Variants in ERICH6B observed in about 807,000 individuals in gnomAD.
The protein encoded by ERICH6B is glutamate-rich protein 6B.
A neutral mutation model predicts 80.0 loss-of-function variants in ERICH6B; 69 were observed. That is an observed-to-expected ratio of 0.86 (90% CI 0.71 to 1.05). The LOEUF is 1.05. Among genes scored for constraint, ERICH6B ranks in the 50% least tolerant of loss-of-function variants. ERICH6B has a pLI of 0.00. For missense variants in ERICH6B, 754 were observed against 796.1 expected (o/e 0.95, Z 0.64); for synonymous variants, 283 against 291.9 (o/e 0.97, Z 0.31).
In ERICH6B at chr13:45,560,413, C is replaced by T. The variant is rs550786279; in HGVS notation, c.1407+956G>A. Reference sequence around the variant, plus strand: ...AGCCTCCCCAACCATCAACACCCCCCCACCTGAGAGTGGTACATTTGTTAT... The same window carrying T: ...AGCCTCCCCAACCATCAACACCCCCTCACCTGAGAGTGGTACATTTGTTAT... On this transcript the variant is annotated intron_variant, in intron 11 of 14. Coordinates refer to ENST00000298738, the MANE Select transcript of ERICH6B (RefSeq NM_182542.3). Among the ~76,000 whole-genome samples the T allele has an allele frequency of 1.4e-4, 21 of 152,288 alleles. 1 individual carries two copies. The South Asian group carries it at 4.4e-3, about 32-fold the overall frequency.
chr13:45,584,295 C>T (rs1056884398), intron 5 of ERICH6B, among the ~76,000 whole-genome samples: 2 of 152,166 alleles, frequency 1.3e-5, no homozygotes, highest in South Asian at 2.1e-4. Context: ...ATATGGATCA[C>T]AAGGCATTTC....
intron 14 of ERICH6B, among the ~76,000 whole-genome samples, chr13:45,544,110 C>T (rs183672294): frequency 1.3e-5 from 2 of 152,276 alleles, no homozygotes; most frequent in South Asian, 2.1e-4. Context: ...CTGGCTCTGT[C>T]GCCCAGGCTG....
rs981481536 is a variant in ERICH6B at position 45,587,249 on chromosome 13, C to T, written c.687-17G>A. ...TCTGGACTCCTGTCAGAGGGGAGAA[C>T]AGGAAGGTCAACTTCCAGACAGGGG... On this transcript the variant is annotated splice_polypyrimidine_tract_variant and intron_variant, in intron 4 of 14. Transcript: ENST00000298738. 3 of 1,550,788 alleles carry T rather than the reference C, an allele frequency of 1.9e-6. No individual in the cohort carries two copies. Among genetic ancestry groups the T allele is most frequent in the Non-Finnish European group, 2.6e-6 (3 of 1,146,578 alleles).
At chr13:45,575,696 G>T (rs1184746302) in intron 7 of ERICH6B, among the ~76,000 whole-genome samples, 1 of 152,188 alleles carries the variant, frequency 6.6e-6, no homozygotes, top group Non-Finnish European at 1.5e-5. Context: ...GTTGGATGGA[G>T]AATGTCTCCC....
intron 8 of ERICH6B, among the ~76,000 whole-genome samples, chr13:45,572,360 T>C (rs1875208032): frequency 6.6e-6 from 1 of 152,182 alleles, no homozygotes; most frequent in Non-Finnish European, 1.5e-5. Flanking sequence ...CAATTCATCA[T>C]CCACAAAGCC....
Position 45,587,050 on chromosome 13 carries a change from C to T in ERICH6B, c.856+13G>A. On this transcript the variant is annotated intron_variant, in intron 5 of 14. Coordinates refer to ENST00000298738, the MANE Select transcript of ERICH6B (RefSeq NM_182542.3). ...CCGGCTGCGCCTCACCGACAGAGCG[C>T]AGCTTCCCTCACCGGCAGTTCTGTC... 6.5e-7 allele frequency: 1 copy of T among 1,550,300 alleles called. No individual in the cohort carries two copies. Among genetic ancestry groups the T allele is most frequent in the Non-Finnish European group, 8.7e-7 (1 of 1,146,164 alleles).
chr13:45,582,658 C>T (rs1391762245), intron 5 of ERICH6B, among the ~76,000 whole-genome samples: 3 of 152,202 alleles, frequency 2.0e-5, no homozygotes, highest in Admixed American at 2.0e-4. Flanking sequence ...CGGCTCTCTG[C>T]TGGAAACTGG....
intron 1 of ERICH6B, among the ~76,000 whole-genome samples, chr13:45,609,622 G>A (rs545217923): frequency 2.0e-5 from 3 of 152,270 alleles, no homozygotes; most frequent in African/African-American, 7.2e-5. Flanking sequence ...ATAGGAGCTC[G>A]ACAAATAATT....
chr13:45,549,836 T>A, intron 13 of ERICH6B, 57 bp downstream of exon 13: 2 of 1,513,544 alleles, frequency 1.3e-6, no homozygotes, highest in Non-Finnish European at 8.9e-7. Context: ...GGAGTCACGC[T>A]TTTTCCAGCT....
chr13:45,541,463 TA>T lies in ERICH6B; in HGVS notation c.2089del (p.Ter697LysfsTer33). ...LKKMLSKLWF* is the reference protein window; with the variant it reads ...LKKMLSKLWFX ...GGTGGATGCCAGATAAGCCCCGCCT[TA>T]AAACCAGAGTTTAGAGAGCATCTTC... On this transcript the variant is annotated frameshift_variant and stop_lost, in exon 15 of 15. Transcript: ENST00000298738. LOFTEE classifies it high-confidence loss of function. The T allele has an allele frequency of 6.4e-7, 1 of 1,551,740 alleles. No homozygotes were observed. Among genetic ancestry groups the T allele is most frequent in the Non-Finnish European group, 8.7e-7 (1 of 1,146,816 alleles).
At position 45,596,645 on chromosome 13, in the gene ERICH6B, A is replaced by G; in HGVS notation, c.361T>C (p.Tyr121His). The G allele has an allele frequency of 6.5e-7, 1 of 1,548,160 alleles. No homozygotes were observed. The highest frequency in any genetic ancestry group is 8.7e-7 in the Non-Finnish European group (1 of 1,145,222). The change falls in exon 3 of 15, where the codon TAT becomes CAT. Residue 121 changes from tyrosine (Y) to histidine (H), a missense_variant. Tyr to His is a moderately conservative substitution (Grantham distance 83, BLOSUM62 2). Coordinates refer to ENST00000298738, the MANE Select transcript of ERICH6B (RefSeq NM_182542.3). ...EEEEYLGKEG[Y>H]LEEEEYLGKE... Reference sequence around the variant, plus strand: ...CCCAGGTACTCTTCCTCCTCCAGATACCCTTCCTTCCCCAGATACTCTTCC... The same window carrying G: ...CCCAGGTACTCTTCCTCCTCCAGATGCCCTTCCTTCCCCAGATACTCTTCC...
At chr13:45,563,894 G>A (rs763838433) in intron 9 of ERICH6B, 106 bp from the exon 10 acceptor site, 4 of 927,102 alleles carry the variant, frequency 4.3e-6, no homozygotes, top group Non-Finnish European at 6.6e-6. Context: ...TCTTTCGCAG[G>A]TGGAAATGGG....
At chr13:45,600,964 T>C (rs1428820671) in intron 2 of ERICH6B, among the ~76,000 whole-genome samples, 1 of 152,238 alleles carries the variant, frequency 6.6e-6, no homozygotes, top group African/African-American at 2.4e-5. Flanking sequence ...CCTCCATATA[T>C]GACCATCCTT....
intron 13 of ERICH6B, among the ~76,000 whole-genome samples, chr13:45,546,511 A>G (rs1182917849): frequency 6.6e-6 from 1 of 152,072 alleles, no homozygotes. Flanking sequence ...AACCCTTGAT[A>G]TTGTTGCATA....
At chr13:45,612,157 A>G (rs1949903527) in intron 1 of ERICH6B, among the ~76,000 whole-genome samples, 1 of 152,158 alleles carries the variant, frequency 6.6e-6, no homozygotes. Flanking sequence ...CATTTAGTGT[A>G]TTCACCAGAC....
At chr13:45,547,386 G>A (rs1210319130) in intron 13 of ERICH6B, among the ~76,000 whole-genome samples, 1 of 152,126 alleles carries the variant, frequency 6.6e-6, no homozygotes, top group African/African-American at 2.4e-5. Context: ...CAATTTTAAG[G>A]TGGTCTGGAG....
At chr13:45,573,371 G>A (rs983383339) in intron 8 of ERICH6B, among the ~76,000 whole-genome samples, 1 of 152,188 alleles carries the variant, frequency 6.6e-6, no homozygotes, top group African/African-American at 2.4e-5. Flanking sequence ...ATATGTATAT[G>A]TGTATATGCG....
At position 45,561,446 on chromosome 13, in the gene ERICH6B, T is replaced by C; in HGVS notation, c.1330A>G (p.Ile444Val). Residue 444 changes from isoleucine (I) to valine (V), a missense_variant, in exon 11 of 15, where the codon ATC becomes GTC. By Grantham distance (29) the Ile-to-Val change is conservative (BLOSUM62 3). Coordinates refer to ENST00000298738, the MANE Select transcript of ERICH6B (RefSeq NM_182542.3). ...PTPEKPETEEIQKPQRVVHHR... is the reference protein window; with the variant it reads ...PTPEKPETEEVQKPQRVVHHR... ...TGAACAACACGTTGAGGCTTTTGGA[T>C]TTCTTCTGTCTCAGGCTTCTCAGGT... is the stretch of plus-strand genomic sequence containing the variant. 1 of 1,552,290 alleles carries C rather than the reference T, an allele frequency of 6.4e-7. No individual in the cohort carries two copies. The highest frequency in any genetic ancestry group is 8.7e-7 in the Non-Finnish European group (1 of 1,147,126).
intron 5 of ERICH6B, among the ~76,000 whole-genome samples, chr13:45,581,716 G>A (rs529289613): frequency 6.6e-6 from 1 of 152,310 alleles, no homozygotes; most frequent in East Asian, 1.9e-4. Context: ...GGCCCATGAT[G>A]AAAAAGCCAA....
Sources: allele counts gnomAD v4.1 joint callset (sites outside exome capture counted in the v4.1 genomes callset), GRCh38; gene constraint gnomAD v4.1.1; transcripts MANE v1.5; gene names NCBI Gene and HGNC (gene_info 2026-07-23, HGNC 2026-07-21).